The following SPOCK3 variants were observed in gnomAD, a reference collection of about 807,000 sequenced individuals.
SPOCK3 encodes the protein testican-3.
SPOCK3 carries 30 observed loss-of-function variants against 56.6 expected under a neutral mutation model. That is an observed-to-expected ratio of 0.53 (90% confidence interval 0.40 to 0.72). SPOCK3 has a LOEUF of 0.72. Among genes scored for constraint, SPOCK3 ranks in the 30% least tolerant of loss-of-function variants. SPOCK3 has a pLI of 0.00. For synonymous variants in SPOCK3, 196 were observed against 183.3 expected (o/e 1.07, Z -0.56); for missense variants, 527 against 530.0 (o/e 0.99, Z 0.06).
intron 6 of SPOCK3, among the ~76,000 whole-genome samples, chr4:166,850,162 T>C (rs1748528989): frequency 6.6e-6 from 1 of 152,224 alleles, no homozygotes; most frequent in South Asian, 2.1e-4. Flanking sequence ...ACTGCCATAT[T>C]GTTTTCCATA....
At chr4:167,171,766 A>G (rs1465187333) in intron 2 of SPOCK3, among the ~76,000 whole-genome samples, 1 of 152,128 alleles carries the variant, frequency 6.6e-6, no homozygotes, top group Non-Finnish European at 1.5e-5. Flanking sequence ...CTTAACATAA[A>G]GGAATTTCTG....
intron 2 of SPOCK3, among the ~76,000 whole-genome samples, chr4:167,066,379 G>C (rs1756136305): frequency 6.6e-6 from 1 of 151,770 alleles, no homozygotes; most frequent in Admixed American, 6.6e-5. Flanking sequence ...GTGACAAAAG[G>C]GAAGTGTAAC....
chr4:167,093,236 C>T (rs1025711580), intron 2 of SPOCK3, among the ~76,000 whole-genome samples: 2 of 152,126 alleles, frequency 1.3e-5, no homozygotes, highest in Admixed American at 6.6e-5. Flanking sequence ...TGGGGAATTA[C>T]TCAATTCCCC....
chr4:167,204,345 A>T (rs1474122409), intron 2 of SPOCK3, among the ~76,000 whole-genome samples: 1 of 152,120 alleles, frequency 6.6e-6, no homozygotes, highest in East Asian at 1.9e-4. Flanking sequence ...GAGACTGAAT[A>T]ATTTATAAAG....
chr4:167,001,140 C>T (rs892338644), intron 3 of SPOCK3, among the ~76,000 whole-genome samples: 6 of 152,146 alleles, frequency 3.9e-5, no homozygotes, highest in African/African-American at 1.2e-4. Flanking sequence ...AATTCACATA[C>T]TACACAATTT....
intron 5 of SPOCK3, among the ~76,000 whole-genome samples, chr4:166,898,041 T>TAA (rs142655461): frequency 5.5e-5 from 8 of 146,054 alleles, no homozygotes; most frequent in Non-Finnish European, 7.6e-5. Flanking sequence ...AAAATAAAAA[T>TAA]AAAAAAAAAA....
intron 4 of SPOCK3, among the ~76,000 whole-genome samples, chr4:166,934,109 T>C (rs72971663): frequency 0.022 from 3,368 of 152,092 alleles, 107 homozygotes; most frequent in African/African-American, 0.077. Flanking sequence ...ATATGAGCCA[T>C]ATAACAAAAT....
At chr4:166,946,979 T>C (rs545707885) in intron 4 of SPOCK3, among the ~76,000 whole-genome samples, 5 of 152,308 alleles carry the variant, frequency 3.3e-5, no homozygotes, top group African/African-American at 1.2e-4. Flanking sequence ...CAATTTGTCA[T>C]CTCTAAGTTA....
chr4:166,951,440 A>G (rs1241405013), intron 4 of SPOCK3, among the ~76,000 whole-genome samples: 2 of 142,168 alleles, frequency 1.4e-5, no homozygotes, highest in Non-Finnish European at 1.5e-5. Context: ...GCAAGAATCA[A>G]TAGCTTACCA....
chr4:166,862,137 T>C (rs1731300481), intron 6 of SPOCK3, among the ~76,000 whole-genome samples: 1 of 151,876 alleles, frequency 6.6e-6, no homozygotes, highest in South Asian at 2.1e-4. Context: ...AATTCAGGAG[T>C]TCATGCAGCA....
chr4:166,986,040 A>G (rs1362288199), intron 4 of SPOCK3, among the ~76,000 whole-genome samples: 6 of 152,160 alleles, frequency 3.9e-5, no homozygotes, highest in Admixed American at 3.9e-4. Flanking sequence ...TTCAAACTTA[A>G]CTCTTCTAAA....
intron 6 of SPOCK3, among the ~76,000 whole-genome samples, chr4:166,819,598 G>A (rs1221734820): frequency 4.0e-5 from 6 of 151,754 alleles, no homozygotes; most frequent in Non-Finnish European, 8.8e-5. Context: ...AATCCAAAAA[G>A]TAATCAAGAA....
intron 6 of SPOCK3, among the ~76,000 whole-genome samples, chr4:166,849,338 T>G (rs1224099177): frequency 6.6e-6 from 1 of 152,146 alleles, no homozygotes; most frequent in African/African-American, 2.4e-5. Context: ...AAAAAGAAAT[T>G]CAAATCTGTT....
chr4:166,990,072 A>G (rs1481434247), intron 4 of SPOCK3, among the ~76,000 whole-genome samples: 1 of 152,186 alleles, frequency 6.6e-6, no homozygotes, highest in Non-Finnish European at 1.5e-5. Flanking sequence ...ATGATCTCAG[A>G]AAGATGTCAG....
At chr4:166,833,494 C>T (rs534508496) in intron 6 of SPOCK3, among the ~76,000 whole-genome samples, 11 of 152,022 alleles carry the variant, frequency 7.2e-5, no homozygotes, top group Non-Finnish European at 1.6e-4. Context: ...TGGTTCCTAT[C>T]GGTTTTTGGT....
intron 5 of SPOCK3, among the ~76,000 whole-genome samples, chr4:166,909,245 CAAAT>C (rs1736984781): frequency 6.6e-6 from 1 of 151,972 alleles, no homozygotes; most frequent in Non-Finnish European, 1.5e-5. Flanking sequence ...AGCTTGAACT[CAAAT>C]AAAATAATTA....
At chr4:166,949,462 T>G (rs1175005737) in intron 4 of SPOCK3, among the ~76,000 whole-genome samples, 2 of 152,122 alleles carry the variant, frequency 1.3e-5, no homozygotes, top group Admixed American at 6.5e-5. Context: ...TTTCCCCATC[T>G]TTGTGGTTTT....
intron 2 of SPOCK3, among the ~76,000 whole-genome samples, chr4:167,155,588 T>C (rs1008471550): frequency 3.9e-5 from 6 of 152,198 alleles, no homozygotes; most frequent in East Asian, 3.8e-4. Flanking sequence ...TCATTAAAGA[T>C]TGAACACACT....
At chr4:166,752,165 C>CTTG (rs1736455582) in intron 8 of SPOCK3, among the ~76,000 whole-genome samples, 4 of 151,946 alleles carry the variant, frequency 2.6e-5, no homozygotes, top group African/African-American at 9.7e-5. Context: ...GCTAGGACTA[C>CTTG]AGGCATGTAC....
Sources: allele counts gnomAD v4.1 joint callset (sites outside exome capture counted in the v4.1 genomes callset), GRCh38; gene constraint gnomAD v4.1.1; transcripts MANE v1.5; gene names NCBI Gene and HGNC (gene_info 2026-07-23, HGNC 2026-07-21).